MOXD1: variants seen among roughly 807,000 people sequenced by gnomAD.
The protein encoded by MOXD1 is monooxygenase DBH like 1, also known as DBH-like monooxygenase protein 1.
Under a neutral mutation model 66.6 loss-of-function variants are expected in MOXD1, and 62 were observed. The observed-to-expected ratio is 0.93, with a 90% confidence interval of 0.76 to 1.15. The LOEUF is 1.15. Ranked by LOEUF, MOXD1 falls within the 50% of genes most tolerant of loss-of-function variation. The pLI, the probability that MOXD1 is intolerant of heterozygous loss-of-function variation, is 0.00. For synonymous variants in MOXD1, 303 were observed against 281.9 expected, an observed-to-expected ratio of 1.07 and a Z score of -0.75; for missense variants, 847 against 754.6, an observed-to-expected ratio of 1.12 and a Z score of -1.44.
chr6:132,298,145 T>G lies in MOXD1; in HGVS notation c.1509-190A>C, dbSNP rs537097276. Among the ~76,000 whole-genome samples, 12 of 152,224 alleles carry G rather than the reference T, an allele frequency of 7.9e-5. No individual in the cohort carries two copies. In the South Asian group the frequency reaches 2.3e-3, roughly 29 times the overall value. On this transcript the variant is annotated intron_variant, in intron 10 of 11. Coordinates refer to ENST00000367963, the MANE Select transcript of MOXD1 (RefSeq NM_015529.4). ...CAAATAAAAGATTTTTAAAGAATGATATTTATTTTTTAGTAGCAGATTGGC... is the reference window on the plus strand; with the variant it reads ...CAAATAAAAGATTTTTAAAGAATGAGATTTATTTTTTAGTAGCAGATTGGC...
At position 132,390,844 on chromosome 6, in the gene MOXD1, T is replaced by C. The variant is rs1310280534; in HGVS notation, c.264+10319A>G. The C allele has an allele frequency of 2.6e-5, 4 of 151,574 alleles. 1 individual carries two copies. Among genetic ancestry groups the C allele is most frequent in the Non-Finnish European group, 5.9e-5 (4 of 67,760 alleles). The allele number at this position is 151,574 out of a possible 1,614,324, so 9.4% of individuals were successfully genotyped here. ...GAATGAAAAATCATAAAAATCATAT[T>C]ATGGAAATGTGTCAGTGTGCCATTT... is the stretch of plus-strand genomic sequence containing the variant. On this transcript the variant is annotated intron_variant, in intron 1 of 11. Coordinates refer to ENST00000367963, the MANE Select transcript of MOXD1 (RefSeq NM_015529.4).
Position 132,328,158 on chromosome 6 carries a change from C to T in MOXD1, c.844-43G>A, listed in dbSNP as rs778639166. 14 of 1,528,538 alleles carry T rather than the reference C, an allele frequency of 9.2e-6. No homozygotes were observed. The African/African-American group carries it at 9.6e-5, about 10-fold the overall frequency. 94.7% of individuals were successfully genotyped at this position (1,528,538 alleles called of 1,614,324 possible). On this transcript the variant is annotated intron_variant, in intron 5 of 11. Coordinates refer to ENST00000367963, the MANE Select transcript of MOXD1 (RefSeq NM_015529.4). ...CATGAGACAATGTCCTATGAAAGTC[C>T]CTGAGAGCTCTATTCCACTCAAAAA... is the stretch of plus-strand genomic sequence containing the variant.
At chr6:132,375,011 A>G (rs919901250) in intron 1 of MOXD1, 1 of 568,858 alleles carries the variant, frequency 1.8e-6, no homozygotes, top group Non-Finnish European at 3.1e-6. Flanking sequence ...TAGAGCATCA[A>G]GAGATGGAAT....
intron 9 of MOXD1, among the ~76,000 whole-genome samples, chr6:132,320,188 T>C (rs895705918): frequency 3.3e-5 from 5 of 152,178 alleles, no homozygotes; most frequent in African/African-American, 4.8e-5. Context: ...ATTATCTATT[T>C]CTTGAATGCT....
At chr6:132,350,357 C>T (rs1291592600) in intron 4 of MOXD1, among the ~76,000 whole-genome samples, 1 of 152,198 alleles carries the variant, frequency 6.6e-6, no homozygotes, top group Non-Finnish European at 1.5e-5. Context: ...AGCTTATTAT[C>T]TCAGCACCAT....
chr6:132,356,529 G>T (rs957905097), intron 4 of MOXD1, among the ~76,000 whole-genome samples: 1 of 152,112 alleles, frequency 6.6e-6, no homozygotes, highest in Admixed American at 6.6e-5. Flanking sequence ...TAGCGTATAG[G>T]AATGAAACCA....
chr6:132,385,846 TA>T (rs1194100159), intron 1 of MOXD1, among the ~76,000 whole-genome samples: 9 of 151,224 alleles, frequency 6.0e-5, no homozygotes, highest in East Asian at 4.0e-4. Context: ...CTCACGCCTG[TA>T]AATCCCAGCC....
chr6:132,363,051 G>A (rs1316802960), intron 4 of MOXD1, among the ~76,000 whole-genome samples: 1 of 152,102 alleles, frequency 6.6e-6, no homozygotes, highest in Non-Finnish European at 1.5e-5. Flanking sequence ...CAGGATCTCT[G>A]GACTGATGTC....
chr6:132,363,915 A>G (rs1230490639), intron 4 of MOXD1, among the ~76,000 whole-genome samples: 1 of 151,062 alleles, frequency 6.6e-6, no homozygotes, highest in East Asian at 2.0e-4. Context: ...TGTTAATTAA[A>G]TTATTTACTA....
intron 4 of MOXD1, among the ~76,000 whole-genome samples, chr6:132,331,534 A>G (rs1377222555): frequency 6.6e-6 from 1 of 152,118 alleles, no homozygotes; most frequent in Non-Finnish European, 1.5e-5. Context: ...TAAAACTAAC[A>G]CCAAACTGCA....
chr6:132,348,826 C>G (rs917414520), intron 4 of MOXD1, among the ~76,000 whole-genome samples: 5 of 152,052 alleles, frequency 3.3e-5, no homozygotes, highest in Non-Finnish European at 7.4e-5. Context: ...CCAAAAAAGA[C>G]TGCATTGTCT....
chr6:132,362,147 A>T (rs541293183), intron 4 of MOXD1, among the ~76,000 whole-genome samples: 1 of 152,168 alleles, frequency 6.6e-6, no homozygotes, highest in Non-Finnish European at 1.5e-5. Flanking sequence ...TAGAAAACAA[A>T]AAAATAAAAT....
At chr6:132,360,437 T>C (rs994113257) in intron 4 of MOXD1, among the ~76,000 whole-genome samples, 7 of 152,222 alleles carry the variant, frequency 4.6e-5, no homozygotes, top group African/African-American at 1.2e-4. Context: ...TAATTTTATC[T>C]TGATGCTTAA....
Position 132,391,377 on chromosome 6 carries a change from C to T in MOXD1, c.264+9786G>A, listed in dbSNP as rs979810410. ...CTAGCTTACAGTTAATAAAAATTAT[C>T]CATTTGAAATTATTTTTGCAGACAT... On this transcript the variant is annotated intron_variant, in intron 1 of 11. Transcript: ENST00000367963. 3 of 152,136 alleles carry T rather than the reference C, an allele frequency of 2.0e-5. No homozygotes were observed. In the South Asian group the frequency reaches 6.2e-4, roughly 32 times the overall value. 9.4% of individuals were successfully genotyped at this position (152,136 alleles called of 1,614,324 possible).
At chr6:132,336,021 C>A (rs949880884) in intron 4 of MOXD1, among the ~76,000 whole-genome samples, 1 of 152,144 alleles carries the variant, frequency 6.6e-6, no homozygotes, top group Non-Finnish European at 1.5e-5. Context: ...AGGTTACTAG[C>A]GCCCTTTTGA....
At chr6:132,387,628 C>T (rs1050860133) in intron 1 of MOXD1, among the ~76,000 whole-genome samples, 5 of 150,068 alleles carry the variant, frequency 3.3e-5, no homozygotes, top group Non-Finnish European at 5.9e-5. Flanking sequence ...GTGGTGCACG[C>T]CTGTAATCCT....
intron 4 of MOXD1, among the ~76,000 whole-genome samples, chr6:132,367,007 C>A (rs1200365809): frequency 6.6e-6 from 1 of 152,024 alleles, no homozygotes; most frequent in Non-Finnish European, 1.5e-5. Flanking sequence ...AGAACAGAAG[C>A]ATGGATATTT....
intron 4 of MOXD1, among the ~76,000 whole-genome samples, chr6:132,333,182 A>G (rs894306785): frequency 3.3e-5 from 5 of 152,056 alleles, no homozygotes; most frequent in Admixed American, 2.0e-4. Flanking sequence ...TAAAAATACA[A>G]AAAATTAGCC....
intron 10 of MOXD1, 66 bp downstream of exon 10, chr6:132,315,569 T>C (rs1178561091): frequency 1.3e-6 from 2 of 1,498,012 alleles, no homozygotes; most frequent in East Asian, 4.6e-5. Context: ...ATGGATCCAG[T>C]ATGACAATAA....
Sources: allele counts gnomAD v4.1 joint callset (sites outside exome capture counted in the v4.1 genomes callset), GRCh38; gene constraint gnomAD v4.1.1; transcripts MANE v1.5; gene names NCBI Gene and HGNC (gene_info 2026-07-23, HGNC 2026-07-21).